Variants in PSG11 observed in about 807,000 individuals in gnomAD.
PSG11 encodes the protein pregnancy specific beta-1-glycoprotein 11, also known as pregnancy-specific beta-1-glycoprotein 11.
Under a neutral mutation model 36.0 loss-of-function variants are expected in PSG11, and 42 were observed. The observed-to-expected ratio is 1.17, with a 90% CI of 0.91 to 1.51. PSG11 has a LOEUF of 1.51. PSG11 is among the 40% of genes most tolerant of loss of function. The pLI is 0.00. For synonymous variants in PSG11, 206 were observed against 153.5 expected (o/e 1.34, Z -2.53); for missense variants, 558 against 403.5 (o/e 1.38, Z -3.28).
At chr19:43,011,437 G>T (rs1016861529) in intron 4 of PSG11, among the ~76,000 whole-genome samples, 1 of 151,124 alleles carries the variant, frequency 6.6e-6, no homozygotes, top group African/African-American at 2.4e-5. Flanking sequence ...AAATAATAAG[G>T]ATTAGAGTTG....
At chr19:43,026,072 G>T (rs1281181451) in intron 1 of PSG11, among the ~76,000 whole-genome samples, 1 of 149,026 alleles carries the variant, frequency 6.7e-6, no homozygotes, top group Non-Finnish European at 1.5e-5. Flanking sequence ...CTCCTGAGTA[G>T]CTAGGATTAC....
chr19:43,017,197 A>G (rs1297372991), intron 3 of PSG11: 1 of 151,416 alleles, frequency 6.6e-6, no homozygotes, highest in African/African-American at 2.4e-5. Context: ...GTTCACACAG[A>G]TTATTTCTTA....
intron 2 of PSG11, among the ~76,000 whole-genome samples, chr19:43,020,185 T>C (rs1050593116): frequency 2.0e-5 from 3 of 151,466 alleles, no homozygotes; most frequent in Admixed American, 1.3e-4. Flanking sequence ...TTCATGCCTA[T>C]AGTTCATACA....
At chr19:43,022,098 C>A (rs1376542298) in intron 2 of PSG11, among the ~76,000 whole-genome samples, 4 of 151,474 alleles carry the variant, frequency 2.6e-5, no homozygotes, top group East Asian at 1.9e-4. Context: ...CTGCCTTTGT[C>A]AAACTAGTGA....
intron 3 of PSG11, 21 bp from the exon 4 acceptor site, chr19:43,015,391 C>T: frequency 6.2e-7 from 1 of 1,601,062 alleles, no homozygotes; most frequent in South Asian, 1.1e-5. Flanking sequence ...GAGAATAAAG[C>T]CACAGTTGAT....
intron 4 of PSG11, among the ~76,000 whole-genome samples, chr19:43,012,590 A>C (rs907160968): frequency 6.6e-6 from 1 of 151,364 alleles, no homozygotes; most frequent in Non-Finnish European, 1.5e-5. Flanking sequence ...AAAGAGGTGA[A>C]ATGATTATAC....
chr19:43,015,551 T>G (rs116728330), intron 3 of PSG11, among the ~76,000 whole-genome samples, 181 bp from the exon 4 acceptor site: 4,054 of 151,428 alleles, frequency 0.027, 293 homozygotes, highest in African/African-American at 0.094. Flanking sequence ...CCACAAGCTG[T>G]GGGCCCCAAG....
chr19:43,012,736 C>A (rs1239124483), intron 4 of PSG11, among the ~76,000 whole-genome samples: 1 of 151,372 alleles, frequency 6.6e-6, no homozygotes, highest in Non-Finnish European at 1.5e-5. Context: ...GGATTCAATG[C>A]AATTCCTTCA....
At chr19:43,008,180 A>T in intron 5 of PSG11, 138 bp from the exon 6 acceptor site, 2 of 262,120 alleles carry the variant, frequency 7.6e-6, no homozygotes, top group Non-Finnish European at 1.5e-5. Context: ...GTAAAGACAC[A>T]GCTCACATAG....
At chr19:43,012,370 A>G (rs1416348980) in intron 4 of PSG11, among the ~76,000 whole-genome samples, 1 of 151,510 alleles carries the variant, frequency 6.6e-6, no homozygotes, top group Non-Finnish European at 1.5e-5. Flanking sequence ...CTGTTTACAG[A>G]TAACTTGAAC....
intron 4 of PSG11, among the ~76,000 whole-genome samples, chr19:43,011,054 C>G (rs1229481710): frequency 1.3e-5 from 2 of 150,982 alleles, no homozygotes; most frequent in Non-Finnish European, 2.9e-5. Context: ...AAGACAGAAG[C>G]TTAGCGTGCT....
chr19:43,008,232 A>AT (rs929232479), intron 5 of PSG11, 190 bp from the exon 6 acceptor site: 1 of 200,930 alleles, frequency 5.0e-6, no homozygotes, highest in Admixed American at 6.1e-5. Flanking sequence ...ATGGTAACAT[A>AT]TTTGATTTCC....
intron 4 of PSG11, chr19:43,014,262 G>C: frequency 7.7e-6 from 6 of 778,448 alleles, no homozygotes; most frequent in Non-Finnish European, 9.3e-6. Flanking sequence ...GATATATATA[G>C]TGTCTGGTAG....
At chr19:43,008,099 C>G (rs1973975601) in intron 5 of PSG11, 57 bp from the exon 6 acceptor site, 1 of 331,926 alleles carries the variant, frequency 3.0e-6, no homozygotes, top group Non-Finnish European at 5.8e-6. Flanking sequence ...GAGGAAGAAT[C>G]AAAGCAACTT....
rs201475308 is a variant in PSG11 at position 43,016,081 on chromosome 19, G to A, written c.710-711C>T. 3.5e-4 allele frequency: 559 copies of A among 1,580,266 alleles called. 12 individuals are homozygous for A. The highest frequency in any genetic ancestry group is 4.6e-4 in the Non-Finnish European group (532 of 1,162,404). On this transcript the variant is annotated intron_variant, in intron 3 of 5. Coordinates refer to ENST00000320078, the MANE Select transcript of PSG11 (RefSeq NM_002785.3). ...AACAGAGAGAAGATTGTCCTGTGTG[G>A]CACCTTTGATTCCTCCACAGGCATC...
intron 2 of PSG11, chr19:43,019,518 C>G (rs532395283): frequency 1.7e-5 from 3 of 171,794 alleles, no homozygotes; most frequent in Admixed American, 1.1e-4. Flanking sequence ...TCCTTAAACC[C>G]TTTGGGTACT....
Position 43,024,673 on chromosome 19 carries a change from T to C in PSG11, c.430+18A>G, listed in dbSNP as rs376889113. 19 of 1,609,330 alleles carry C rather than the reference T, an allele frequency of 1.2e-5. 1 individual carries two copies. Among genetic ancestry groups the C allele is most frequent in the Non-Finnish European group, 1.5e-5 (18 of 1,177,834 alleles). ...ACCCCTGTCCCCCAACACCCAGGGA[T>C]CATGTGGAATCACTTACGGTATAAG... is the stretch of plus-strand genomic sequence containing the variant. On this transcript the variant is annotated intron_variant, in intron 2 of 5. Transcript: ENST00000320078.
chr19:43,007,706 T>C lies in PSG11; in HGVS notation c.*377A>G, dbSNP rs1404853910. ...CCATAAACATATGAATATTCATGAA[T>C]AGATTCCCAATTCTGGGGCACTCAG... On this transcript the variant is annotated 3_prime_UTR_variant, in exon 6 of 6. Coordinates refer to ENST00000320078, the MANE Select transcript of PSG11 (RefSeq NM_002785.3). 1.1e-5 allele frequency: 2 copies of C among 185,622 alleles called. No individual in the cohort carries two copies. The highest frequency in any genetic ancestry group is 4.7e-5 in the African/African-American group (2 of 42,202). 11.5% of individuals were successfully genotyped at this position (185,622 alleles called of 1,614,324 possible).
chr19:43,010,067 G>A (rs1482721884), intron 4 of PSG11, 26 bp from the exon 5 acceptor site: 14 of 1,602,448 alleles, frequency 8.7e-6, no homozygotes, highest in Non-Finnish European at 1.2e-5. Flanking sequence ...AAGAAAAGAA[G>A]GAATGAAGGT....
Sources: gnomAD v4.1 joint callset for allele counts (sites outside exome capture counted in the v4.1 genomes callset) on GRCh38, gnomAD v4.1.1 for gene constraint, MANE v1.5 for transcripts, NCBI Gene and HGNC (gene_info 2026-07-23, HGNC 2026-07-21) for gene names.